YTHDF3: variants seen among roughly 807,000 people sequenced by gnomAD.
YTHDF3 encodes the protein YTH domain-containing family protein 3.
A neutral mutation model predicts 52.5 loss-of-function variants in YTHDF3; 9 were observed. That is an observed-to-expected ratio of 0.17 (90% CI 0.10 to 0.30). The LOEUF (loss-of-function observed/expected upper bound fraction) is 0.30. Ranked by LOEUF, YTHDF3 falls within the 10% of genes least tolerant of loss-of-function variation. YTHDF3 has a pLI of 1.00. For missense variants in YTHDF3, 534 were observed against 715.0 expected, an observed-to-expected ratio of 0.75 and a Z score of 2.89; for synonymous variants, 274 against 243.3, an observed-to-expected ratio of 1.13 and a Z score of -1.18.
intron 2 of YTHDF3, 155 bp downstream of exon 2, chr8:63,169,566 C>A: frequency 2.5e-6 from 2 of 788,756 alleles, no homozygotes; most frequent in Non-Finnish European, 2.0e-6. Flanking sequence ...AAGTTCTATC[C>A]AGAACTTCGG....
At chr8:63,179,265 G>A (rs1397703304) in intron 3 of YTHDF3, among the ~76,000 whole-genome samples, 1 of 151,460 alleles carries the variant, frequency 6.6e-6, no homozygotes, top group Non-Finnish European at 1.5e-5. Flanking sequence ...GTTTCTCGCA[G>A]AGGGGGATTT....
intron 4 of YTHDF3, among the ~76,000 whole-genome samples, chr8:63,207,212 T>C (rs1372105548): frequency 6.6e-6 from 1 of 152,206 alleles, no homozygotes; most frequent in African/African-American, 2.4e-5. Flanking sequence ...ACAGTGGTTT[T>C]GACTTTAAGT....
Position 63,208,133 on chromosome 8 carries a change from A to G in YTHDF3, c.1735-1550A>G, listed in dbSNP as rs74884153. ...TTTGTTATTTTAGTCTTCCATTTCA[A>G]TGTATCTCACCGATACTCGTTAGTC... On this transcript the variant is annotated intron_variant, in intron 4 of 4. Transcript: ENST00000539294. 2.5e-3 allele frequency among the ~76,000 whole-genome samples: 385 copies of G among 152,298 alleles called. 4 individuals are homozygous for G. Among genetic ancestry groups the G allele is most frequent in the Admixed American group, 0.016 (248 of 15,298 alleles).
chr8:63,169,058 C>G, intron 1 of YTHDF3, 157 bp downstream of exon 1: 1 of 1,403,344 alleles, frequency 7.1e-7, no homozygotes, highest in Non-Finnish European at 9.2e-7. Flanking sequence ...CCGGGGCGTG[C>G]GCCCTGGCCC....
intron 2 of YTHDF3, among the ~76,000 whole-genome samples, chr8:63,170,212 T>A (rs929731611): frequency 3.9e-5 from 6 of 152,180 alleles, no homozygotes; most frequent in Non-Finnish European, 8.8e-5. Context: ...AAATTATATA[T>A]AACATTTTGT....
chr8:63,172,846 G>A lies in YTHDF3; in HGVS notation c.50-2485G>A, dbSNP rs551585187. 12 of 1,213,270 alleles carry A rather than the reference G, an allele frequency of 9.9e-6. No homozygotes were observed. The South Asian group carries it at 5.0e-4, about 51-fold the overall frequency. The allele number at this position is 1,213,270 out of a possible 1,614,324, so 75.2% of individuals were successfully genotyped here. A position where few individuals can be genotyped will look rare whatever the true frequency, so the allele number is the denominator to read the frequency against. Reference sequence around the variant, plus strand: ...CCCTGAAGAAATTTTACAGACTATGGAACTAGCTTGGATTTCATTTCTATT... The same window carrying A: ...CCCTGAAGAAATTTTACAGACTATGAAACTAGCTTGGATTTCATTTCTATT... On this transcript the variant is annotated intron_variant, in intron 2 of 4. Coordinates refer to ENST00000539294, the MANE Select transcript of YTHDF3 (RefSeq NM_152758.6).
At chr8:63,198,464 A>G (rs1809380369) in intron 4 of YTHDF3, among the ~76,000 whole-genome samples, 1 of 152,046 alleles carries the variant, frequency 6.6e-6, no homozygotes, top group Non-Finnish European at 1.5e-5. Context: ...ATGGGGTTTC[A>G]CCATGTTGGC....
chr8:63,177,556 G>T (rs1807779438), intron 3 of YTHDF3, among the ~76,000 whole-genome samples: 1 of 152,076 alleles, frequency 6.6e-6, no homozygotes. Flanking sequence ...TTCCAACTTT[G>T]CTGAGAAATC....
intron 1 of YTHDF3, 84 bp from the exon 2 acceptor site, chr8:63,169,303 G>C (rs1007539082): frequency 1.3e-6 from 2 of 1,510,404 alleles, no homozygotes; most frequent in Non-Finnish European, 1.8e-6. Context: ...AAAATAACTT[G>C]TCTTTGATAA....
intron 2 of YTHDF3, among the ~76,000 whole-genome samples, chr8:63,170,121 G>A (rs1807204779): frequency 6.6e-6 from 1 of 152,198 alleles, no homozygotes; most frequent in Non-Finnish European, 1.5e-5. Flanking sequence ...GAAACATTAT[G>A]ACATTAGTCA....
At chr8:63,209,103 G>A (rs1226316353) in intron 4 of YTHDF3, among the ~76,000 whole-genome samples, 3 of 152,088 alleles carry the variant, frequency 2.0e-5, no homozygotes, top group Non-Finnish European at 4.4e-5. Flanking sequence ...CCTGACCTCA[G>A]TTGATCCACC....
At chr8:63,171,629 T>A (rs1028865023) in intron 2 of YTHDF3, among the ~76,000 whole-genome samples, 1 of 152,202 alleles carries the variant, frequency 6.6e-6, no homozygotes, top group Non-Finnish European at 1.5e-5. Context: ...GCTATGTGTG[T>A]ATTTGAGAAA....
chr8:63,187,219 A>G lies in YTHDF3; in HGVS notation c.1208A>G (p.Asn403Ser), dbSNP rs2150374292. Residue 403 changes from asparagine (N) to serine (S), a missense_variant, in exon 4 of 5, where the codon AAC (asparagine) becomes AGC (serine). This residue lies in a region of YTHDF3 where 203 missense variants were observed against 201.3 expected (regional missense o/e 1.01). Transcript: ENST00000539294. ...CTGGAAAAGCTAAAGGCCATAAACA[A>G]CTATAATCCCAAAGACTTTGATTGG... ...PVLEKLKAIN[N>S]YNPKDFDWNL... The G allele has an allele frequency of 6.2e-7, 1 of 1,614,018 alleles. No homozygotes were observed. The highest frequency in any genetic ancestry group is 8.5e-7 in the Non-Finnish European group (1 of 1,179,902).
At chr8:63,179,634 G>A (rs1585746932) in intron 3 of YTHDF3, among the ~76,000 whole-genome samples, 1 of 152,096 alleles carries the variant, frequency 6.6e-6, no homozygotes, top group Non-Finnish European at 1.5e-5. Flanking sequence ...ACACAGACAC[G>A]GCAACCATCC....
intron 4 of YTHDF3, among the ~76,000 whole-genome samples, chr8:63,199,584 T>G (rs1374249071): frequency 2.6e-5 from 4 of 152,224 alleles, no homozygotes; most frequent in African/African-American, 9.6e-5. Flanking sequence ...AATAAATTAT[T>G]GAATTATTCC....
intron 3 of YTHDF3, among the ~76,000 whole-genome samples, chr8:63,185,114 C>T (rs1323562283): frequency 3.3e-5 from 5 of 151,604 alleles, no homozygotes; most frequent in East Asian, 1.9e-4. Flanking sequence ...AGAGTGAGAC[C>T]CTGTTTCAAA....
chr8:63,179,871 A>G (rs1807968960), intron 3 of YTHDF3, among the ~76,000 whole-genome samples: 2 of 115,430 alleles, frequency 1.7e-5, no homozygotes, highest in African/African-American at 3.4e-5. Flanking sequence ...CTCCCCCCGG[A>G]TGGGGCGGCC....
intron 3 of YTHDF3, among the ~76,000 whole-genome samples, chr8:63,178,968 ATT>A (rs980982054): frequency 6.6e-5 from 10 of 152,190 alleles, no homozygotes; most frequent in African/African-American, 1.9e-4. Context: ...TGTTTTAAAA[ATT>A]AAATTCATTT....
chr8:63,199,436 G>A (rs1809457569), intron 4 of YTHDF3, among the ~76,000 whole-genome samples: 1 of 152,142 alleles, frequency 6.6e-6, no homozygotes, highest in Non-Finnish European at 1.5e-5. Flanking sequence ...TTCGTTGTAA[G>A]TGGACTCCTG....
Sources: gnomAD v4.1 joint callset for allele counts (sites outside exome capture counted in the v4.1 genomes callset) on GRCh38, gnomAD v4.1.1 for gene constraint, gnomAD v4.1.1 regional missense constraint, MANE v1.5 for transcripts, NCBI Gene and HGNC (gene_info 2026-07-23, HGNC 2026-07-21) for gene names.